PRKCH: variants seen among roughly 807,000 people sequenced by gnomAD.
PRKCH encodes the protein protein kinase C eta type.
In PRKCH, 28 loss-of-function variants were observed where a neutral mutation model predicts 82.5. That is an observed-to-expected ratio of 0.34 (90% CI 0.25 to 0.47). PRKCH has a LOEUF of 0.47. Ranked by LOEUF, PRKCH falls within the 20% of genes least tolerant of loss-of-function variation. PRKCH has a pLI of 1.00. For synonymous variants in PRKCH, 322 were observed against 327.4 expected (o/e 0.98, Z 0.18); for missense variants, 705 against 881.8 (o/e 0.80, Z 2.54).
chr14:61,532,732 A>ATCC (rs1433896129), intron 12 of PRKCH, among the ~76,000 whole-genome samples: 1 of 152,224 alleles, frequency 6.6e-6, no homozygotes, highest in Non-Finnish European at 1.5e-5. Context: ...ACGAGCAGAT[A>ATCC]CACTGTCCAG....
intron 1 of PRKCH, among the ~76,000 whole-genome samples, chr14:61,352,660 G>GAA (rs1425331406): frequency 4.0e-5 from 5 of 123,764 alleles, no homozygotes; most frequent in African/African-American, 1.3e-4. Context: ...AAGAAAGAAA[G>GAA]AGAGAGAGAG....
intron 1 of PRKCH, among the ~76,000 whole-genome samples, chr14:61,266,970 T>C (rs536109715): frequency 3.2e-4 from 49 of 151,836 alleles, no homozygotes; most frequent in Middle Eastern, 3.4e-3. Flanking sequence ...TTGAAGGGAG[T>C]CTTCAACCAC....
At chr14:61,419,388 G>A (rs1321356042) in intron 2 of PRKCH, among the ~76,000 whole-genome samples, 1 of 152,046 alleles carries the variant, frequency 6.6e-6, no homozygotes, top group Non-Finnish European at 1.5e-5. Context: ...TGGTATTTTG[G>A]GCCAGATAAT....
chr14:61,362,101 C>G (rs989318190), intron 1 of PRKCH, among the ~76,000 whole-genome samples: 2 of 152,110 alleles, frequency 1.3e-5, no homozygotes, highest in Non-Finnish European at 2.9e-5. Flanking sequence ...CTTCGGGAGG[C>G]TGAAGCGGGA....
Position 61,528,469 on chromosome 14 carries a change from C to T in PRKCH, c.1434-606C>T, listed in dbSNP as rs555340585. ...TCAGCCTCCCAAAGTGTTGGGATTA[C>T]AGGCACCCAGCCGACAAGTATTTCT... On this transcript the variant is annotated intron_variant, in intron 10 of 13. Transcript: ENST00000332981. Among the ~76,000 whole-genome samples, 5 of 152,310 alleles carry T rather than the reference C, an allele frequency of 3.3e-5. No individual in the cohort carries two copies. The East Asian group carries it at 5.8e-4, about 18-fold the overall frequency.
intron 10 of PRKCH, among the ~76,000 whole-genome samples, chr14:61,509,567 TACAG>T (rs1887288627): frequency 6.6e-6 from 1 of 152,028 alleles, no homozygotes; most frequent in African/African-American, 2.4e-5. Flanking sequence ...GCAAACAGAA[TACAG>T]TGGGTGCTTA....
At chr14:61,375,303 C>G (rs188417898) in intron 1 of PRKCH, among the ~76,000 whole-genome samples, 96 of 152,148 alleles carry the variant, frequency 6.3e-4, no homozygotes, top group Admixed American at 2.4e-3. Context: ...TGAACAAATA[C>G]TAGGAAGTTA....
intron 9 of PRKCH, among the ~76,000 whole-genome samples, chr14:61,467,212 T>C (rs976320470): frequency 3.3e-5 from 5 of 152,236 alleles, no homozygotes; most frequent in Admixed American, 2.6e-4. Context: ...TGAGTTCTAA[T>C]TCTGGCTTAG....
rs180863436 is a variant in PRKCH, at chr14:61,250,182, C to G, written c.-19+62514C>G. On this transcript the variant is annotated intron_variant, in intron 1 of 3. Coordinates refer to the PRKCH transcript ENST00000555185. Reference sequence around the variant, plus strand: ...AGCTGAGGCACAAGAATCACTTGAACAGAGGTTGCAGTGAGCCGAACTCCA... The same window carrying G: ...AGCTGAGGCACAAGAATCACTTGAAGAGAGGTTGCAGTGAGCCGAACTCCA... 4.9e-3 allele frequency among the ~76,000 whole-genome samples: 747 copies of G among 151,040 alleles called. 2 individuals are homozygous for G. Among genetic ancestry groups the G allele is most frequent in the Non-Finnish European group, 6.7e-3 (451 of 67,796 alleles).
At chr14:61,376,138 T>C (rs1346704827) in intron 1 of PRKCH, among the ~76,000 whole-genome samples, 1 of 152,190 alleles carries the variant, frequency 6.6e-6, no homozygotes, top group East Asian at 1.9e-4. Context: ...TCCAGATGAC[T>C]GTGCAATATA....
intron 1 of PRKCH, among the ~76,000 whole-genome samples, chr14:61,242,860 G>A (rs753614002): frequency 1.8e-4 from 27 of 152,192 alleles, no homozygotes; most frequent in African/African-American, 4.8e-4. Flanking sequence ...TAATAAACAC[G>A]TATTGTCTAA....
chr14:61,368,506 A>G (rs545689573), intron 1 of PRKCH, among the ~76,000 whole-genome samples: 4 of 152,188 alleles, frequency 2.6e-5, no homozygotes, highest in African/African-American at 9.7e-5. Context: ...CTTTACAGGC[A>G]GAACAGGCTC....
At chr14:61,266,089 A>G (rs2045098218) in intron 1 of PRKCH, among the ~76,000 whole-genome samples, 1 of 151,146 alleles carries the variant, frequency 6.6e-6, no homozygotes, top group African/African-American at 2.4e-5. Flanking sequence ...AAGAGGGAGA[A>G]AGAGTTTTAA....
chr14:61,326,999 A>C (rs1194092550), intron 1 of PRKCH: 1 of 453,528 alleles, frequency 2.2e-6, no homozygotes, highest in Non-Finnish European at 4.4e-6. Context: ...CTTAATGCAG[A>C]GTGCTGGGGA....
chr14:61,433,042 T>G (rs1594700584), intron 2 of PRKCH, among the ~76,000 whole-genome samples: 1 of 23,484 alleles, frequency 4.3e-5, no homozygotes, highest in Non-Finnish European at 7.6e-5. Context: ...CCCAACCTCT[T>G]CAAAAAAAAA....
chr14:61,189,343 A>G (rs1427230771), intron 1 of PRKCH, among the ~76,000 whole-genome samples: 2 of 152,122 alleles, frequency 1.3e-5, no homozygotes, highest in African/African-American at 4.8e-5. Flanking sequence ...TCTTCTTGCA[A>G]AATTCTCAAG....
intron 1 of PRKCH, among the ~76,000 whole-genome samples, chr14:61,233,091 G>A (rs2044757746): frequency 6.6e-6 from 1 of 152,170 alleles, no homozygotes; most frequent in African/African-American, 2.4e-5. Context: ...ATTATTAACA[G>A]TTGGTCCAGT....
At chr14:61,313,910 A>G (rs2045543129) in intron 1 of PRKCH, among the ~76,000 whole-genome samples, 1 of 152,210 alleles carries the variant, frequency 6.6e-6, no homozygotes, top group Non-Finnish European at 1.5e-5. Flanking sequence ...GGACACAGCC[A>G]AACCACATCA....
intron 9 of PRKCH, among the ~76,000 whole-genome samples, chr14:61,462,688 C>T (rs1254229707): frequency 6.6e-6 from 1 of 152,216 alleles, no homozygotes; most frequent in East Asian, 1.9e-4. Context: ...CAGGCCCTGG[C>T]TTCTCAAGTA....
Sources: allele counts gnomAD v4.1 joint callset (sites outside exome capture counted in the v4.1 genomes callset), GRCh38; gene constraint gnomAD v4.1.1; transcripts MANE v1.5; gene names NCBI Gene and HGNC (gene_info 2026-07-23, HGNC 2026-07-21).